The following KCNQ1 variants were observed in gnomAD, a reference collection of about 807,000 sequenced individuals.
The protein encoded by KCNQ1 is potassium voltage-gated channel subfamily Q member 1.
KCNQ1 carries 49 observed loss-of-function variants against 72.4 expected under a neutral mutation model. The ratio of observed to expected loss-of-function variants is 0.68; its 90% CI spans 0.54 to 0.86. The LOEUF (loss-of-function observed/expected upper bound fraction) is 0.86, where lower values mean the gene tolerates loss of function less well. Among genes scored for constraint, KCNQ1 ranks in the 40% least tolerant of loss-of-function variants. The probability of loss-of-function intolerance (pLI) is 0.00; values close to 1 mark genes in which losing one functional copy is unlikely to be tolerated. For missense variants in KCNQ1, 790 were observed against 945.1 expected, an observed-to-expected ratio of 0.84 and a Z score of 2.15; for synonymous variants, 450 against 412.6, an observed-to-expected ratio of 1.09 and a Z score of -1.10.
rs1180930886 is a variant in KCNQ1 at position 2,526,702 on chromosome 11, G to A, written c.387-1226G>A. Among the ~76,000 whole-genome samples, 1 of 152,058 alleles carries A rather than the reference G, an allele frequency of 6.6e-6. No homozygotes were observed. Among genetic ancestry groups the A allele is most frequent in the Non-Finnish European group, 1.5e-5 (1 of 67,990 alleles). ...GGGTGGGCTGGGCTGTCCACATCTG[G>A]ACAGGTGGAAGAGGATGGGTTCTGG... is the stretch of plus-strand genomic sequence containing the variant. On this transcript the variant is annotated intron_variant, in intron 1 of 15. Coordinates refer to ENST00000155840, the MANE Select transcript of KCNQ1 (RefSeq NM_000218.3). The surrounding 1 kb of genome is among the most constrained non-coding windows in gnomAD (Gnocchi z 6.1).
chr11:2,756,104 T>TAA (rs1164612909), intron 11 of KCNQ1, among the ~76,000 whole-genome samples: 1 of 152,178 alleles, frequency 6.6e-6, no homozygotes, highest in Non-Finnish European at 1.5e-5. Flanking sequence ...ACTACCACTT[T>TAA]AAAAGGGTGG....
At chr11:2,505,271 T>G (rs1847084198) in intron 1 of KCNQ1, among the ~76,000 whole-genome samples, 1 of 152,232 alleles carries the variant, frequency 6.6e-6, no homozygotes, top group South Asian at 2.1e-4. Context: ...TTCATTTCCA[T>G]ACATTTGTTA....
intron 10 of KCNQ1, chr11:2,640,965 G>A (rs962399518): frequency 2.5e-6 from 1 of 398,596 alleles, no homozygotes; most frequent in East Asian, 3.6e-5. Context: ...ATGACCTCCA[G>A]CTCCATTCAT....
chr11:2,831,750 C>T lies in KCNQ1; in HGVS notation c.1795-16017C>T, dbSNP rs78033264. On this transcript the variant is annotated intron_variant, in intron 15 of 15. Coordinates refer to ENST00000155840, the MANE Select transcript of KCNQ1 (RefSeq NM_000218.3). ...CCCGCTGCCCTCCTCTGCCTCTCTC[C>T]GTTGCCCCCTCCTCCCTCCCCCACC... Among the ~76,000 whole-genome samples the T allele has an allele frequency of 7.0e-3, 1,045 of 149,332 alleles. 17 individuals are homozygous for T. The highest frequency in any genetic ancestry group is 0.023 in the African/African-American group (943 of 40,232).
At chr11:2,546,565 C>T (rs189891115) in intron 2 of KCNQ1, among the ~76,000 whole-genome samples, 31 of 152,128 alleles carry the variant, frequency 2.0e-4, no homozygotes, top group Non-Finnish European at 4.0e-4. Context: ...GAATCTCCAA[C>T]TGTATTTGTG....
At chr11:2,585,086 TG>T (rs553506092) in intron 7 of KCNQ1, 125 bp from the exon 8 acceptor site, 5 of 834,736 alleles carry the variant, frequency 6.0e-6, no homozygotes, top group Non-Finnish European at 8.3e-6. Context: ...AGGTGGGACT[TG>T]GGGGGGCTTC....
chr11:2,515,420 G>A lies in KCNQ1; in HGVS notation c.387-12508G>A, dbSNP rs1847272214. 7.9e-6 allele frequency among the ~76,000 whole-genome samples: 1 copy of A among 127,006 alleles called. No individual in the cohort carries two copies. Among genetic ancestry groups the A allele is most frequent in the African/African-American group, 2.6e-5 (1 of 39,114 alleles). 83.3% of individuals were successfully genotyped at this position (127,006 alleles called of 152,430 possible). On this transcript the variant is annotated intron_variant, in intron 1 of 15. Coordinates refer to ENST00000155840, the MANE Select transcript of KCNQ1 (RefSeq NM_000218.3). This position sits in a 1 kb window ranked among gnomAD's most constrained non-coding sequence, Gnocchi z 4.7. ...GGGAGGGCGGAGCCCCTGGCCCAGGGGCGGGGAGGCCTGTCCACCCCTCCC... is the reference window on the plus strand; with the variant it reads ...GGGAGGGCGGAGCCCCTGGCCCAGGAGCGGGGAGGCCTGTCCACCCCTCCC...
At position 2,506,057 on chromosome 11, in the gene KCNQ1, C is replaced by T. The variant is rs186623565; in HGVS notation, c.387-21871C>T. Among the ~76,000 whole-genome samples the T allele has an allele frequency of 4.3e-4, 66 of 152,314 alleles. 1 individual carries two copies. The East Asian group carries it at 0.011, about 25-fold the overall frequency. On this transcript the variant is annotated intron_variant, in intron 1 of 15. Coordinates refer to ENST00000155840, the MANE Select transcript of KCNQ1 (RefSeq NM_000218.3). ...TTATATATCCAAAAAGAAAGAAAAT[C>T]AGTCCAGCAGGGACAGATGCGCACT...
intron 11 of KCNQ1, among the ~76,000 whole-genome samples, chr11:2,738,902 G>A (rs567268707): frequency 6.6e-6 from 1 of 152,346 alleles, no homozygotes; most frequent in Admixed American, 6.5e-5. Flanking sequence ...CGGGTGCAGT[G>A]AGGTGCCTGC....
At chr11:2,700,243 G>A (rs1047609170) in intron 11 of KCNQ1, among the ~76,000 whole-genome samples, 1 of 152,022 alleles carries the variant, frequency 6.6e-6, no homozygotes, top group Non-Finnish European at 1.5e-5. Flanking sequence ...GAGGTGGCGC[G>A]AGCCGCCGCC....
intron 1 of KCNQ1, among the ~76,000 whole-genome samples, chr11:2,456,731 C>T (rs1242360356): frequency 1.5e-5 from 2 of 134,836 alleles, no homozygotes; most frequent in Non-Finnish European, 3.1e-5. Context: ...ACCATCCTGG[C>T]TAACATGGTG....
rs371118929 is a variant in KCNQ1, at chr11:2,455,211, C to T, written c.386+9727C>T. On this transcript the variant is annotated intron_variant, in intron 1 of 15. Transcript: ENST00000155840. ...CTCCCAGGTTCACACCATTCTCCTGCCTCAGCCTCCCAAGTAGCTGGGACA... is the reference window on the plus strand; with the variant it reads ...CTCCCAGGTTCACACCATTCTCCTGTCTCAGCCTCCCAAGTAGCTGGGACA... Among the ~76,000 whole-genome samples, 27 of 152,190 alleles carry T rather than the reference C, an allele frequency of 1.8e-4. No individual in the cohort carries two copies. The East Asian group carries it at 5.2e-3, about 29-fold the overall frequency.
At chr11:2,737,499 T>G (rs1046126705) in intron 11 of KCNQ1, among the ~76,000 whole-genome samples, 1 of 152,178 alleles carries the variant, frequency 6.6e-6, no homozygotes, top group Non-Finnish European at 1.5e-5. Context: ...AGCAATAAAA[T>G]TCTTGTGTTT....
intron 11 of KCNQ1, chr11:2,685,435 A>G: frequency 5.0e-6 from 2 of 398,724 alleles, no homozygotes; most frequent in Non-Finnish European, 8.8e-6. Flanking sequence ...TGTCACCTGA[A>G]CGAGAAGCCC....
intron 11 of KCNQ1, among the ~76,000 whole-genome samples, chr11:2,709,230 C>T (rs185258138): frequency 7.3e-6 from 1 of 137,740 alleles, no homozygotes; most frequent in Admixed American, 7.3e-5. Context: ...GCCCCCCCCA[C>T]CCCCACCCCC....
At chr11:2,503,583 T>C (rs1389634146) in intron 1 of KCNQ1, among the ~76,000 whole-genome samples, 1 of 151,640 alleles carries the variant, frequency 6.6e-6, no homozygotes, top group East Asian at 1.9e-4. Context: ...GAGATATACC[T>C]AATGCTAAAT....
intron 10 of KCNQ1, chr11:2,633,383 C>T (rs1849396373): frequency 2.5e-6 from 1 of 398,126 alleles, no homozygotes; most frequent in Admixed American, 4.4e-5. Context: ...TGATACAGTC[C>T]CATTTGTCTA....
chr11:2,646,217 C>T (rs934282940), intron 10 of KCNQ1: 5 of 398,478 alleles, frequency 1.3e-5, no homozygotes, highest in African/African-American at 2.1e-5. Context: ...AGGTGAGTGC[C>T]AGATGCCTCT....
At chr11:2,548,265 T>C (rs910362391) in intron 2 of KCNQ1, among the ~76,000 whole-genome samples, 4 of 152,198 alleles carry the variant, frequency 2.6e-5, no homozygotes, top group Admixed American at 1.3e-4. Flanking sequence ...AGATGGTGGC[T>C]TCGTCCAGGG....
Sources: allele counts gnomAD v4.1 joint callset (sites outside exome capture counted in the v4.1 genomes callset), GRCh38; gene constraint gnomAD v4.1.1; non-coding constraint Gnocchi (gnomAD v3.1); transcripts MANE v1.5; gene names NCBI Gene and HGNC (gene_info 2026-07-23, HGNC 2026-07-21).